The following EYS variants were observed in gnomAD, a reference collection of about 807,000 sequenced individuals.
The protein encoded by EYS is EGF-like photoreceptor maintenance factor.
A neutral mutation model predicts 282.1 loss-of-function variants in EYS; 250 were observed. That is an observed-to-expected ratio of 0.89 (90% CI 0.80 to 0.98). EYS has a LOEUF of 0.98. Ranked by LOEUF, EYS falls within the 50% of genes least tolerant of loss-of-function variation. EYS has a pLI of 0.00. For missense variants in EYS, 4,016 were observed against 3,709.0 expected, an observed-to-expected ratio of 1.08 and a Z score of -2.15; for synonymous variants, 1,355 against 1,282.9, an observed-to-expected ratio of 1.06 and a Z score of -1.20.
chr6:64,703,063 A>C (rs1417327034), intron 22 of EYS, among the ~76,000 whole-genome samples: 1 of 151,998 alleles, frequency 6.6e-6, no homozygotes, highest in African/African-American at 2.4e-5. Context: ...ATTTTGCTGT[A>C]ATCACAAGCT....
intron 22 of EYS, among the ~76,000 whole-genome samples, chr6:64,786,458 T>C (rs1021354394): frequency 6.6e-6 from 1 of 152,104 alleles, no homozygotes; most frequent in Non-Finnish European, 1.5e-5. Flanking sequence ...TCTCCCACCC[T>C]AGTCTTTTAA....
At chr6:63,909,717 T>A (rs890117845) in intron 35 of EYS, among the ~76,000 whole-genome samples, 2 of 152,224 alleles carry the variant, frequency 1.3e-5, no homozygotes, top group African/African-American at 4.8e-5. Flanking sequence ...TCTCAAACTT[T>A]GGTGCATGTT....
intron 15 of EYS, among the ~76,000 whole-genome samples, chr6:64,927,880 G>A (rs1017842127): frequency 4.6e-5 from 7 of 151,800 alleles, no homozygotes; most frequent in African/African-American, 1.2e-4. Context: ...AAAAAGTATC[G>A]ATGTTTTGAA....
At chr6:64,116,942 GAGAC>G (rs1773405301) in intron 31 of EYS, among the ~76,000 whole-genome samples, 1 of 151,874 alleles carries the variant, frequency 6.6e-6, no homozygotes. Context: ...TCTGAGGGAA[GAGAC>G]AGACAGTAAT....
chr6:64,112,255 C>T (rs531526849), intron 31 of EYS, among the ~76,000 whole-genome samples: 47 of 152,028 alleles, frequency 3.1e-4, no homozygotes, highest in African/African-American at 1.1e-3. Flanking sequence ...GTGATAGAAT[C>T]ACAAAATTTT....
intron 2 of EYS, among the ~76,000 whole-genome samples, chr6:65,542,793 C>CAAAT (rs536214104): frequency 2.6e-3 from 395 of 152,088 alleles, no homozygotes; most frequent in Non-Finnish European, 4.0e-3. Flanking sequence ...CTATTATGAG[C>CAAAT]AAATCTACCA....
chr6:63,743,529 T>C (rs1769135754), intron 41 of EYS, among the ~76,000 whole-genome samples: 1 of 152,160 alleles, frequency 6.6e-6, no homozygotes, highest in South Asian at 2.1e-4. Context: ...ATCAAAGAAA[T>C]AGTTTTGCAG....
chr6:64,985,658 T>C (rs898689340), intron 14 of EYS, among the ~76,000 whole-genome samples: 1 of 151,480 alleles, frequency 6.6e-6, no homozygotes, highest in Admixed American at 6.6e-5. Flanking sequence ...TTAATTAGGG[T>C]TGTTAGACAA....
chr6:65,706,596 AAC>A, intron 1 of EYS, among the ~76,000 whole-genome samples: 1 of 152,288 alleles, frequency 6.6e-6, no homozygotes, highest in East Asian at 1.9e-4. Context: ...GTACAAAGGA[AAC>A]ACTATCCTCA....
intron 28 of EYS, among the ~76,000 whole-genome samples, chr6:64,392,331 C>T (rs199771188): frequency 0.28 from 40,556 of 143,464 alleles, 6,083 homozygotes; most frequent in East Asian, 0.45. Context: ...ACATTTTTTT[C>T]CAGCATCACA....
At position 65,612,211 on chromosome 6, in the gene EYS, T is replaced by C. The variant is rs962255693; in HGVS notation, c.-333+27567A>G. ...TGTAAACCCTGTATATATATGTATA[T>C]ATATGATATATATGTGTATATGTAT... On this transcript the variant is annotated intron_variant, in intron 2 of 42. Coordinates refer to ENST00000503581, the MANE Select transcript of EYS (RefSeq NM_001142800.2). Among the ~76,000 whole-genome samples, 7 of 150,828 alleles carry C rather than the reference T, an allele frequency of 4.6e-5. 1 individual carries two copies. The South Asian group carries it at 1.2e-3, about 27-fold the overall frequency.
At chr6:63,983,539 C>T (rs1339059028) in intron 35 of EYS, among the ~76,000 whole-genome samples, 2 of 151,734 alleles carry the variant, frequency 1.3e-5, no homozygotes, top group East Asian at 3.9e-4. Context: ...CTCTTTTCTA[C>T]ACTGTGTATA....
intron 36 of EYS, among the ~76,000 whole-genome samples, chr6:63,854,431 C>T (rs1293406942): frequency 6.6e-6 from 1 of 152,042 alleles, no homozygotes; most frequent in Non-Finnish European, 1.5e-5. Context: ...GGGAGGGGAA[C>T]ATTACACACC....
chr6:65,417,961 A>G (rs371030), intron 5 of EYS, among the ~76,000 whole-genome samples: 1,740 of 152,106 alleles, frequency 0.011, 28 homozygotes, highest in African/African-American at 0.039. Context: ...TATGGCCCCT[A>G]AAATAAATCC....
chr6:65,562,025 C>T (rs995868250), intron 2 of EYS, among the ~76,000 whole-genome samples: 1 of 151,022 alleles, frequency 6.6e-6, no homozygotes, highest in Non-Finnish European at 1.5e-5. Context: ...TATAAACATG[C>T]TATATATGTA....
intron 41 of EYS, among the ~76,000 whole-genome samples, chr6:63,734,533 A>G (rs768954672): frequency 2.6e-5 from 4 of 152,146 alleles, no homozygotes; most frequent in Non-Finnish European, 5.9e-5. Context: ...TAATACTGGT[A>G]AGAAGTGATG....
chr6:64,598,623 C>A (rs576623536), intron 24 of EYS, among the ~76,000 whole-genome samples: 1 of 152,266 alleles, frequency 6.6e-6, no homozygotes, highest in African/African-American at 2.4e-5. Flanking sequence ...AGAATATGGT[C>A]ATCTGCTTTC....
chr6:63,977,686 A>G (rs2149787889), intron 35 of EYS, among the ~76,000 whole-genome samples: 1 of 152,136 alleles, frequency 6.6e-6, no homozygotes, highest in Non-Finnish European at 1.5e-5. Context: ...AGGCTTTGTG[A>G]GGACTCCTGC....
intron 1 of EYS, among the ~76,000 whole-genome samples, chr6:65,646,562 A>G (rs904799908): frequency 2.0e-5 from 3 of 152,174 alleles, no homozygotes; most frequent in Admixed American, 1.3e-4. Context: ...CCCACAGCCA[A>G]CATTATACTG....
Sources: allele counts gnomAD v4.1 joint callset (sites outside exome capture counted in the v4.1 genomes callset), GRCh38; gene constraint gnomAD v4.1.1; transcripts MANE v1.5; gene names NCBI Gene and HGNC (gene_info 2026-07-23, HGNC 2026-07-21).